Variants in ADAMTSL1 observed in about 807,000 individuals in gnomAD.
ADAMTSL1 encodes ADAMTS-like protein 1.
ADAMTSL1 carries 126 observed loss-of-function variants against 201.8 expected under a neutral mutation model. That is an observed-to-expected ratio of 0.62 (90% CI 0.54 to 0.72). The LOEUF is 0.72. Among genes scored for constraint, ADAMTSL1 ranks in the 30% least tolerant of loss-of-function variants. ADAMTSL1 has a pLI of 0.00. For synonymous variants in ADAMTSL1, 1,121 were observed against 903.4 expected (o/e 1.24, Z -4.32); for missense variants, 2,679 against 2,277.8 (o/e 1.18, Z -3.59).
intron 1 of ADAMTSL1, among the ~76,000 whole-genome samples, chr9:17,948,882 C>G (rs777635517): frequency 4.6e-5 from 7 of 152,184 alleles, no homozygotes; most frequent in Non-Finnish European, 7.3e-5. Flanking sequence ...TGTGATTGTG[C>G]TAATTATCAG....
chr9:18,405,901 C>T (rs2133287242), intron 2 of ADAMTSL1, among the ~76,000 whole-genome samples: 1 of 152,238 alleles, frequency 6.6e-6, no homozygotes, highest in Non-Finnish European at 1.5e-5. Flanking sequence ...AAAACAATTA[C>T]TCTTGGGAAC....
intron 21 of ADAMTSL1, among the ~76,000 whole-genome samples, chr9:18,821,572 G>A (rs962551307): frequency 1.3e-5 from 2 of 152,188 alleles, no homozygotes; most frequent in African/African-American, 4.8e-5. Context: ...GGAAAAAGAG[G>A]GAAACTGGTT....
chr9:18,013,228 G>A (rs925492734), intron 1 of ADAMTSL1, among the ~76,000 whole-genome samples: 16 of 151,950 alleles, frequency 1.1e-4, no homozygotes, highest in Non-Finnish European at 1.8e-4. Context: ...TATGTGGCTT[G>A]CAGAGCACTT....
At chr9:18,664,985 T>C (rs1191795122) in intron 9 of ADAMTSL1, among the ~76,000 whole-genome samples, 1 of 152,126 alleles carries the variant, frequency 6.6e-6, no homozygotes, top group Non-Finnish European at 1.5e-5. Context: ...TTTTAACTGA[T>C]TCACACTAAG....
chr9:18,776,714 C>T, intron 18 of ADAMTSL1, 67 bp from the exon 19 acceptor site: 3 of 1,454,868 alleles, frequency 2.1e-6, no homozygotes, highest in Non-Finnish European at 2.7e-6. Context: ...CTCCTGGCTG[C>T]ATCTCACTCT....
Position 18,777,011 on chromosome 9 carries a change from C to T in ADAMTSL1, c.2782C>T (p.Pro928Ser), listed in dbSNP as rs776580956. The change falls in exon 19 of 29, where the codon CCC becomes TCC. Residue 928 changes from proline to serine, a missense_variant. Pro to Ser is a moderately conservative substitution (Grantham distance 74, BLOSUM62 -1). Coordinates refer to ENST00000380548, the MANE Select transcript of ADAMTSL1 (RefSeq NM_001040272.6). Reference protein sequence around the residue: ...LISSTHVTVAPFGYLKIHRLK... With the variant: ...LISSTHVTVASFGYLKIHRLK... ...CAGCTCGACGCACGTCACGGTGGCC[C>T]CCTTCGGCTATCTCAAGATCCACCG... The T allele has an allele frequency of 6.2e-7, 1 of 1,605,682 alleles. No individual in the cohort carries two copies. The highest frequency in any genetic ancestry group is 1.1e-5 in the South Asian group (1 of 90,402).
At chr9:18,152,382 T>C (rs1826954305) in intron 1 of ADAMTSL1, among the ~76,000 whole-genome samples, 1 of 152,018 alleles carries the variant, frequency 6.6e-6, no homozygotes, top group African/African-American at 2.4e-5. Flanking sequence ...GCAGGAAATA[T>C]AGAACACGCC....
chr9:18,104,978 C>G (rs1221598534), intron 1 of ADAMTSL1, among the ~76,000 whole-genome samples: 2 of 151,870 alleles, frequency 1.3e-5, no homozygotes, highest in African/African-American at 4.8e-5. Flanking sequence ...CAACTATATC[C>G]CTAAAAACAT....
chr9:18,480,701 T>C (rs777356182), intron 1 of ADAMTSL1, among the ~76,000 whole-genome samples: 2 of 152,188 alleles, frequency 1.3e-5, no homozygotes, highest in Non-Finnish European at 2.9e-5. Context: ...TTTCCATTTA[T>C]TATATGGGAA....
chr9:18,156,402 G>A (rs1827154148), intron 1 of ADAMTSL1, among the ~76,000 whole-genome samples: 1 of 151,894 alleles, frequency 6.6e-6, no homozygotes, highest in African/African-American at 2.4e-5. Flanking sequence ...CAACTCCTAA[G>A]CAACTCACTT....
intron 23 of ADAMTSL1, among the ~76,000 whole-genome samples, chr9:18,831,785 A>T (rs1824994208): frequency 6.6e-6 from 1 of 152,190 alleles, no homozygotes; most frequent in South Asian, 2.1e-4. Flanking sequence ...TTGAATGGTG[A>T]ATGTCAGTGT....
At chr9:18,683,136 G>C (rs1351394416) in intron 12 of ADAMTSL1, among the ~76,000 whole-genome samples, 1 of 152,128 alleles carries the variant, frequency 6.6e-6, no homozygotes. Context: ...AGTATTACAA[G>C]CTTACTATGA....
At chr9:18,775,184 A>G (rs1339671997) in intron 17 of ADAMTSL1, among the ~76,000 whole-genome samples, 1 of 152,180 alleles carries the variant, frequency 6.6e-6, no homozygotes. Flanking sequence ...TTTGAATGAC[A>G]GCTCTTTGAG....
At chr9:18,170,092 G>A (rs756201064) in intron 2 of ADAMTSL1, among the ~76,000 whole-genome samples, 7 of 151,928 alleles carry the variant, frequency 4.6e-5, no homozygotes, top group African/African-American at 1.7e-4. Context: ...ACCCTGTGGG[G>A]TTTTTAAGTG....
intron 1 of ADAMTSL1, among the ~76,000 whole-genome samples, chr9:17,968,612 A>C (rs899262879): frequency 6.6e-6 from 1 of 152,130 alleles, no homozygotes; most frequent in African/African-American, 2.4e-5. Context: ...GTTCTCCCAC[A>C]CAAACAATGT....
chr9:18,429,981 G>C (rs2133397948), intron 2 of ADAMTSL1, among the ~76,000 whole-genome samples: 1 of 152,052 alleles, frequency 6.6e-6, no homozygotes, highest in Middle Eastern at 3.4e-3. Flanking sequence ...GTAGAGACAG[G>C]GTTTCACTAT....
chr9:18,418,897 G>T (rs763093330), intron 2 of ADAMTSL1, among the ~76,000 whole-genome samples: 1 of 152,172 alleles, frequency 6.6e-6, no homozygotes, highest in Non-Finnish European at 1.5e-5. Context: ...ATTTGGAAAA[G>T]ACATAAAGTT....
At chr9:18,016,527 A>G (rs1214807625) in intron 1 of ADAMTSL1, among the ~76,000 whole-genome samples, 2 of 152,006 alleles carry the variant, frequency 1.3e-5, no homozygotes, top group African/African-American at 4.8e-5. Context: ...CTGATTACAG[A>G]GACCCTGATG....
At chr9:17,934,386 C>T (rs567372177) in intron 1 of ADAMTSL1, among the ~76,000 whole-genome samples, 1 of 152,276 alleles carries the variant, frequency 6.6e-6, no homozygotes, top group African/African-American at 2.4e-5. Flanking sequence ...TTACTTCCCT[C>T]CTTGGCTAGC....
Sources: allele counts gnomAD v4.1 joint callset (sites outside exome capture counted in the v4.1 genomes callset), GRCh38; gene constraint gnomAD v4.1.1; transcripts MANE v1.5; gene names NCBI Gene and HGNC (gene_info 2026-07-23, HGNC 2026-07-21).